Variants in ADCY2 observed in about 807,000 individuals in gnomAD.
The protein encoded by ADCY2 is adenylate cyclase 2, also known as adenylate cyclase type 2.
ADCY2 carries 31 observed loss-of-function variants against 125.2 expected under a neutral mutation model. That is an observed-to-expected ratio of 0.25 (90% CI 0.19 to 0.33). The LOEUF (loss-of-function observed/expected upper bound fraction) is 0.33, where lower values mean the gene tolerates loss of function less well. Ranked by LOEUF, ADCY2 falls within the 10% of genes least tolerant of loss-of-function variation. The pLI is 1.00. For synonymous variants in ADCY2, 512 were observed against 548.4 expected, an observed-to-expected ratio of 0.93 and a Z score of 0.93; for missense variants, 904 against 1,418.2, an observed-to-expected ratio of 0.64 and a Z score of 5.82.
In ADCY2 at chr5:7,442,084, C is replaced by T. The variant is rs73737375; in HGVS notation, c.408+27314C>T. Among the ~76,000 whole-genome samples the T allele has an allele frequency of 2.7e-3, 412 of 152,302 alleles. 3 individuals are homozygous for T. Among genetic ancestry groups the T allele is most frequent in the African/African-American group, 9.0e-3 (375 of 41,558 alleles). On this transcript the variant is annotated intron_variant, in intron 2 of 24. Coordinates refer to ENST00000338316, the MANE Select transcript of ADCY2 (RefSeq NM_020546.3). ...CACTTAACAAAACTAACCATGTCTG[C>T]TTGCTGTGACACAATCCAGTCTATA...
chr5:7,513,106 C>CACACACACACACACACACACACACAGAG, intron 2 of ADCY2, among the ~76,000 whole-genome samples: 1 of 138,430 alleles, frequency 7.2e-6, no homozygotes, highest in Non-Finnish European at 1.6e-5. Context: ...CACACACACA[C>CACACACACACACACACACACACACAGAG]AGAGAGAGAG....
rs200030249 is a variant in ADCY2, at chr5:7,520,795, C to A, written c.466C>A (p.Arg156=). Residue 156 remains arginine (R), a synonymous_variant, in exon 3 of 25, where the codon CGA becomes AGA. Coordinates refer to ENST00000338316, the MANE Select transcript of ADCY2 (RefSeq NM_020546.3). ...VVYTMLPFNM[R]DAIIASVLTS... ...GTACACCATGCTGCCCTTCAACATG[C>A]GAGACGCCATCATTGCCAGCGTCCT... The A allele has an allele frequency of 1.9e-6, 3 of 1,614,026 alleles. No homozygotes were observed. Among genetic ancestry groups the A allele is most frequent in the African/African-American group, 2.7e-5 (2 of 74,916 alleles).
chr5:7,723,321 T>C (rs1246657744), intron 12 of ADCY2, among the ~76,000 whole-genome samples: 1 of 152,228 alleles, frequency 6.6e-6, no homozygotes, highest in Non-Finnish European at 1.5e-5. Flanking sequence ...TTTTTCTCAC[T>C]TTTAATGGCA....
chr5:7,674,526 C>G (rs866433697), intron 4 of ADCY2, among the ~76,000 whole-genome samples: 2 of 152,230 alleles, frequency 1.3e-5, no homozygotes, highest in Admixed American at 6.5e-5. Context: ...GGCTTCATTT[C>G]TAACCAAGAG....
chr5:7,720,649 T>A (rs1741729901), intron 12 of ADCY2, among the ~76,000 whole-genome samples: 1 of 152,106 alleles, frequency 6.6e-6, no homozygotes, highest in Non-Finnish European at 1.5e-5. Context: ...ATGCGGTGTT[T>A]GGTTTTCTGT....
intron 22 of ADCY2, among the ~76,000 whole-genome samples, chr5:7,808,132 T>TC (rs1436892964): frequency 6.6e-6 from 1 of 152,182 alleles, no homozygotes; most frequent in Non-Finnish European, 1.5e-5. Context: ...CAGAAGGCTT[T>TC]CCCGTGCCCC....
At chr5:7,571,883 T>A (rs750620419) in intron 3 of ADCY2, among the ~76,000 whole-genome samples, 1 of 152,188 alleles carries the variant, frequency 6.6e-6, no homozygotes. Flanking sequence ...AGTGAGAACA[T>A]GCAGTATTCA....
intron 4 of ADCY2, among the ~76,000 whole-genome samples, chr5:7,690,051 A>G (rs1314710118): frequency 6.6e-6 from 1 of 152,206 alleles, no homozygotes; most frequent in Non-Finnish European, 1.5e-5. Context: ...GACTTACTGA[A>G]TATAAAGACC....
At chr5:7,723,315 T>C (rs1478536070) in intron 12 of ADCY2, among the ~76,000 whole-genome samples, 5 of 152,234 alleles carry the variant, frequency 3.3e-5, no homozygotes, top group African/African-American at 1.2e-4. Context: ...TTTTTATTTT[T>C]CTCACTTTTA....
chr5:7,757,715 C>T, intron 16 of ADCY2, 129 bp downstream of exon 16: 1 of 1,327,438 alleles, frequency 7.5e-7, no homozygotes, highest in South Asian at 1.7e-5. Context: ...GTTCAACATG[C>T]TCAGCCCCGG....
chr5:7,750,248 G>A lies in ADCY2; in HGVS notation c.1956+6496G>A, dbSNP rs1218238597. Among the ~76,000 whole-genome samples the A allele has an allele frequency of 3.3e-5, 5 of 151,850 alleles. No homozygotes were observed. In the East Asian group the frequency reaches 7.7e-4, roughly 23 times the overall value. Reference sequence around the variant, plus strand: ...CTCTTTTATTCTCTCTAGTGACTTGGAACTTATATACTCTAGTTTGTTTTT... The same window carrying A: ...CTCTTTTATTCTCTCTAGTGACTTGAAACTTATATACTCTAGTTTGTTTTT... On this transcript the variant is annotated intron_variant, in intron 15 of 24. Coordinates refer to ENST00000338316, the MANE Select transcript of ADCY2 (RefSeq NM_020546.3).
At chr5:7,680,777 T>A (rs1489079000) in intron 4 of ADCY2, among the ~76,000 whole-genome samples, 1 of 152,224 alleles carries the variant, frequency 6.6e-6, no homozygotes, top group Admixed American at 6.5e-5. Context: ...TAAGCCATGG[T>A]TTATTTTTGT....
chr5:7,659,759 A>G (rs1429236274), intron 4 of ADCY2, among the ~76,000 whole-genome samples: 1 of 152,226 alleles, frequency 6.6e-6, no homozygotes, highest in East Asian at 1.9e-4. Flanking sequence ...AGTAGTTGGA[A>G]AACTCGACTT....
intron 4 of ADCY2, among the ~76,000 whole-genome samples, chr5:7,670,459 T>C (rs564907818): frequency 3.9e-5 from 6 of 152,370 alleles, no homozygotes; most frequent in African/African-American, 1.4e-4. Context: ...ATGGACTGAA[T>C]GGCTTTATTC....
chr5:7,438,188 A>T (rs867971586), intron 2 of ADCY2, among the ~76,000 whole-genome samples: 2 of 152,194 alleles, frequency 1.3e-5, no homozygotes, highest in Middle Eastern at 3.2e-3. Flanking sequence ...GGTGGACAAG[A>T]TATTTTTGAA....
chr5:7,469,526 A>G (rs1050550225), intron 2 of ADCY2, among the ~76,000 whole-genome samples: 3 of 151,974 alleles, frequency 2.0e-5, no homozygotes, highest in Non-Finnish European at 2.9e-5. Context: ...TTTCATATAT[A>G]TATCTCCCAG....
chr5:7,823,060 CT>C (rs1318569810), intron 24 of ADCY2, among the ~76,000 whole-genome samples: 1 of 152,200 alleles, frequency 6.6e-6, no homozygotes, highest in African/African-American at 2.4e-5. Context: ...TAAACCTCGA[CT>C]TACCTGCCTT....
rs1279044755 is a variant in ADCY2 at position 7,396,715 on chromosome 5, C to T, written c.210+209C>T. 1.3e-5 allele frequency among the ~76,000 whole-genome samples: 2 copies of T among 151,396 alleles called. No individual in the cohort carries two copies. The highest frequency in any genetic ancestry group is 2.1e-4 in the South Asian group (1 of 4,832). ...AGGGCTGCGGGCGGGAGAAAAGTTT[C>T]CTGGGAAGGCTCTTCCCAAAATAAA... On this transcript the variant is annotated intron_variant, in intron 1 of 24. Coordinates refer to ENST00000338316, the MANE Select transcript of ADCY2 (RefSeq NM_020546.3). This position sits in a 1 kb window ranked among gnomAD's most constrained non-coding sequence, Gnocchi z 5.7.
Position 7,396,320 on chromosome 5 carries a change from C to T in ADCY2, c.24C>T (p.Arg8=), listed in dbSNP as rs779853177. 1.0e-4 allele frequency: 151 copies of T among 1,467,224 alleles called. No homozygotes were observed. The highest frequency in any genetic ancestry group is 1.3e-4 in the Non-Finnish European group (147 of 1,107,362). The allele number at this position is 1,467,224 out of a possible 1,614,324, so 90.9% of individuals were successfully genotyped here. A position where few individuals can be genotyped will look rare whatever the true frequency, so the allele number is the denominator to read the frequency against. Residue 8 remains arginine, a synonymous_variant, in exon 1 of 25, where the codon CGC becomes CGT. Coordinates refer to ENST00000338316, the MANE Select transcript of ADCY2 (RefSeq NM_020546.3). This position sits in a 1 kb window ranked among gnomAD's most constrained non-coding sequence, Gnocchi z 5.7. Reference sequence around the variant, plus strand: ...CGATGTGGCAGGAGGCGATGCGGCGCCGCCGCTACCTGCGGGACCGCTCCG... The same window carrying T: ...CGATGTGGCAGGAGGCGATGCGGCGTCGCCGCTACCTGCGGGACCGCTCCG... MWQEAMR[R]RRYLRDRSEE...
Sources: gnomAD v4.1 joint callset for allele counts (sites outside exome capture counted in the v4.1 genomes callset) on GRCh38, gnomAD v4.1.1 for gene constraint, Gnocchi (gnomAD v3.1) non-coding constraint, MANE v1.5 for transcripts, NCBI Gene and HGNC (gene_info 2026-07-23, HGNC 2026-07-21) for gene names.